IARS1: variants seen among roughly 807,000 people sequenced by gnomAD.
IARS1 encodes the protein isoleucine--tRNA ligase, cytoplasmic.
Under a neutral mutation model 168.2 loss-of-function variants are expected in IARS1, and 124 were observed. That is an observed-to-expected ratio of 0.74 (90% CI 0.64 to 0.86). The LOEUF (loss-of-function observed/expected upper bound fraction) is 0.86, where lower values mean the gene tolerates loss of function less well. IARS1 is among the 40% of genes least tolerant of loss of function. The pLI, the probability that IARS1 is intolerant of heterozygous loss-of-function variation, is 0.00. For missense variants in IARS1, 1,452 were observed against 1,515.8 expected, an observed-to-expected ratio of 0.96 and a Z score of 0.70; for synonymous variants, 532 against 529.4, an observed-to-expected ratio of 1.00 and a Z score of -0.07.
chr9:92,229,160 C>A lies in IARS1; in HGVS notation c.3284-34G>T, dbSNP rs1003605054. On this transcript the variant is annotated intron_variant, in intron 30 of 33. Coordinates refer to ENST00000443024, the MANE Select transcript of IARS1 (RefSeq NM_002161.6). ...CCACAAAAATAACACCTCAATCAGA[C>A]AAATAAAACTAAAAAGAAAATGTTA... is the stretch of plus-strand genomic sequence containing the variant. The A allele has an allele frequency of 2.5e-6, 4 of 1,594,352 alleles. No homozygotes were observed. The African/African-American group carries it at 4.1e-5, about 16-fold the overall frequency.
intron 26 of IARS1, 161 bp from the exon 27 acceptor site, chr9:92,245,232 G>A: frequency 1.6e-6 from 1 of 610,334 alleles, no homozygotes. Flanking sequence ...TTGTAGCCAA[G>A]ACATGACAAA....
At position 92,288,189 on chromosome 9, in the gene IARS1, A is replaced by C. The variant is rs765771535; in HGVS notation, c.213T>G (p.Tyr71Ter). The change falls in exon 3 of 34, where the codon TAT (tyrosine) becomes TAG (stop). Residue 71 changes from tyrosine (Y) to a stop codon, truncating the protein, a stop_gained. Coordinates refer to ENST00000443024, the MANE Select transcript of IARS1 (RefSeq NM_002161.6). LOFTEE classifies it high-confidence loss of function. ...CAACATGAAACCCACTCTGGTGAGC[A>C]TATCTTGTAACTATATCTTTAATTG... ...AGTIKDIVTR[Y>*]AHQSGFHVDR... is the part of the protein sequence containing the mutation. The C allele has an allele frequency of 5.6e-5, 90 of 1,613,990 alleles. No individual in the cohort carries two copies. Among genetic ancestry groups the C allele is most frequent in the Non-Finnish European group, 6.9e-5 (81 of 1,179,960 alleles).
chr9:92,239,899 T>C (rs1828116201), intron 30 of IARS1, among the ~76,000 whole-genome samples: 1 of 152,148 alleles, frequency 6.6e-6, no homozygotes, highest in South Asian at 2.1e-4. Flanking sequence ...GCAGTTACTG[T>C]TTCAAAATTT....
intron 30 of IARS1, chr9:92,240,540 G>A: frequency 3.2e-6 from 2 of 623,476 alleles, no homozygotes; most frequent in Non-Finnish European, 2.9e-6. Context: ...GATTACAGGT[G>A]TGAGCTACCA....
At chr9:92,256,157 C>G (rs1307586289) in intron 20 of IARS1, among the ~76,000 whole-genome samples, 1 of 151,660 alleles carries the variant, frequency 6.6e-6, no homozygotes, top group Non-Finnish European at 1.5e-5. Context: ...CACGAGGACA[C>G]CCCCTAAAGA....
intron 20 of IARS1, chr9:92,256,390 T>C (rs3780345): frequency 0.11 from 19,274 of 169,538 alleles, 1,188 homozygotes; most frequent in Middle Eastern, 0.13. Flanking sequence ...GGTTTCGCCA[T>C]GTTGGCCAGG....
chr9:92,221,911 A>G (rs1839714712), intron 33 of IARS1, among the ~76,000 whole-genome samples: 1 of 152,336 alleles, frequency 6.6e-6, no homozygotes. Flanking sequence ...GGAAAGAACA[A>G]TTTTAGGGTC....
At chr9:92,282,472 T>C (rs1359128401) in intron 6 of IARS1, among the ~76,000 whole-genome samples, 1 of 152,102 alleles carries the variant, frequency 6.6e-6, no homozygotes, top group Non-Finnish European at 1.5e-5. Flanking sequence ...CAGCTAATTT[T>C]TGTAAAAAAT....
In IARS1 at chr9:92,263,066, ACC is replaced by A; in HGVS notation, c.1701-13_1701-12del. ...AGCAGGGTATAAAACCTGAAAAAAA[ACC>A]CCAAACAGTTCAATAAAAATAGAAA... On this transcript the variant is annotated splice_polypyrimidine_tract_variant and intron_variant, in intron 16 of 33. Transcript: ENST00000443024. The A allele has an allele frequency of 6.3e-7, 1 of 1,594,404 alleles. No individual in the cohort carries two copies. Among genetic ancestry groups the A allele is most frequent in the Admixed American group, 1.7e-5 (1 of 59,802 alleles).
intron 6 of IARS1, among the ~76,000 whole-genome samples, chr9:92,284,438 C>G (rs1322690934): frequency 6.6e-6 from 1 of 152,112 alleles, no homozygotes; most frequent in Non-Finnish European, 1.5e-5. Context: ...TTAATTATAC[C>G]ATTCTGTTTA....
intron 33 of IARS1, among the ~76,000 whole-genome samples, chr9:92,217,648 C>G (rs1245791494): frequency 6.6e-6 from 1 of 151,748 alleles, no homozygotes; most frequent in African/African-American, 2.4e-5. Flanking sequence ...ACAAACACCT[C>G]TACGCAAATA....
chr9:92,265,574 T>C lies in IARS1; in HGVS notation c.1432-21A>G, dbSNP rs201698817. 1.7e-4 allele frequency: 266 copies of C among 1,599,148 alleles called. 1 individual carries two copies. Among genetic ancestry groups the C allele is most frequent in the Non-Finnish European group, 2.1e-4 (249 of 1,166,506 alleles). On this transcript the variant is annotated intron_variant, in intron 14 of 33. Coordinates refer to ENST00000443024, the MANE Select transcript of IARS1 (RefSeq NM_002161.6). The stretch of plus-strand genomic sequence containing the variant: ...ACCACCTGTCAAAAACAAAGTTCAA[T>C]AGCAGGAGCTCCTTAGAGCCAAACA...
Position 92,247,466 on chromosome 9 carries a change from A to G in IARS1, c.2702T>C (p.Leu901Pro). The part of the protein sequence containing the change: ...RLRAEPDHMV[L>P]GKRLKGAFKA... ...AAAGGCTCCCTTCAGACGCTTCCCCAGGACCATGTGATCTGGTTCTGCCCT... is the reference window on the plus strand; with the variant it reads ...AAAGGCTCCCTTCAGACGCTTCCCCGGGACCATGTGATCTGGTTCTGCCCT... Residue 901 changes from leucine to proline, a missense_variant, in exon 26 of 34, where the codon CTG (leucine) becomes CCG (proline). Coordinates refer to ENST00000443024, the MANE Select transcript of IARS1 (RefSeq NM_002161.6). 6.2e-7 allele frequency: 1 copy of G among 1,614,194 alleles called. No homozygotes were observed. Among genetic ancestry groups the G allele is most frequent in the Non-Finnish European group, 8.5e-7 (1 of 1,180,036 alleles).
In IARS1 at chr9:92,287,925, T is replaced by G. The variant is rs1169332535; in HGVS notation, c.277-15A>C. 4 of 1,613,558 alleles carry G rather than the reference T, an allele frequency of 2.5e-6. No individual in the cohort carries two copies. The African/African-American group carries it at 4.0e-5, about 16-fold the overall frequency. Reference sequence around the variant, plus strand: ...ATTTCATATTCCTGAAAATTTGTGATAAGACTGTTACCACGCTGCCCTATG... The same window carrying G: ...ATTTCATATTCCTGAAAATTTGTGAGAAGACTGTTACCACGCTGCCCTATG... On this transcript the variant is annotated splice_polypyrimidine_tract_variant and intron_variant, in intron 3 of 33. Coordinates refer to ENST00000443024, the MANE Select transcript of IARS1 (RefSeq NM_002161.6).
intron 6 of IARS1, among the ~76,000 whole-genome samples, chr9:92,282,882 TCTAA>T (rs1564187822): frequency 6.9e-6 from 1 of 145,134 alleles, no homozygotes; most frequent in Non-Finnish European, 1.5e-5. Context: ...TGAGACAGAG[TCTAA>T]CTCTGTCACC....
intron 7 of IARS1, among the ~76,000 whole-genome samples, chr9:92,279,586 C>G (rs1235456447): frequency 6.6e-6 from 1 of 152,164 alleles, no homozygotes; most frequent in Non-Finnish European, 1.5e-5. Context: ...CCAATCTTTC[C>G]CCATTCCTTT....
chr9:92,267,844 C>T (rs1420751563), intron 14 of IARS1, among the ~76,000 whole-genome samples: 1 of 151,970 alleles, frequency 6.6e-6, no homozygotes, highest in East Asian at 1.9e-4. Flanking sequence ...TAACCATAAG[C>T]TAATAGTATA....
At chr9:92,232,316 T>C (rs950203832) in intron 30 of IARS1, among the ~76,000 whole-genome samples, 2 of 151,846 alleles carry the variant, frequency 1.3e-5, no homozygotes, top group African/African-American at 4.9e-5. Flanking sequence ...TAGTGGAACA[T>C]AAATTATACT....
intron 32 of IARS1, 73 bp from the exon 33 acceptor site, chr9:92,222,745 G>A (rs1352848289): frequency 7.2e-6 from 11 of 1,530,600 alleles, no homozygotes; most frequent in African/African-American, 2.7e-5. Flanking sequence ...TGGCCACTGC[G>A]GACAGCTCTA....
Sources: allele counts gnomAD v4.1 joint callset (sites outside exome capture counted in the v4.1 genomes callset), GRCh38; gene constraint gnomAD v4.1.1; transcripts MANE v1.5; gene names NCBI Gene and HGNC (gene_info 2026-07-23, HGNC 2026-07-21).